Variants in TEX11 observed in about 807,000 individuals in gnomAD.
TEX11 encodes the protein testis-expressed protein 11.
A neutral mutation model predicts 84.4 loss-of-function variants in TEX11; 7 were observed. The ratio of observed to expected loss-of-function variants is 0.08; its 90% confidence interval spans 0.05 to 0.16. The LOEUF is 0.16. Among genes scored for constraint, TEX11 ranks in the 10% least tolerant of loss-of-function variants. The pLI is 1.00. For synonymous variants in TEX11, 264 were observed against 222.8 expected (o/e 1.18, Z -1.64); for missense variants, 551 against 660.5 (o/e 0.83, Z 1.82).
At chrX:70,810,810 C>T (rs1569447058) in intron 8 of TEX11, among the ~76,000 whole-genome samples, 2 of 110,094 alleles carry the variant, frequency 1.8e-5, no homozygotes, top group Non-Finnish European at 3.8e-5. Flanking sequence ...AAGTAAACCC[C>T]ATACTTTAAA....
At chrX:70,898,243 A>G (rs1383490159) in intron 2 of TEX11, among the ~76,000 whole-genome samples, 1 of 111,952 alleles carries the variant, frequency 8.9e-6, no homozygotes, top group Non-Finnish European at 1.9e-5. Flanking sequence ...AAAAATTATA[A>G]TATAATGTAA....
intron 28 of TEX11, among the ~76,000 whole-genome samples, chrX:70,539,019 A>AATATATATATATATATAT (rs971242983): frequency 2.1e-5 from 1 of 47,840 alleles, no homozygotes; most frequent in African/African-American, 7.2e-5. Context: ...GACACTTGGA[A>AATATATATATATATATAT]ATATATATAT....
intron 24 of TEX11, among the ~76,000 whole-genome samples, chrX:70,592,719 G>T (rs1278894836): frequency 1.8e-5 from 2 of 111,104 alleles, no homozygotes; most frequent in Non-Finnish European, 3.8e-5. Flanking sequence ...TGACAGAAGT[G>T]GGCCACTGTC....
chrX:70,845,997 AAATT>A (rs2091477269), intron 7 of TEX11: 1 of 111,615 alleles, frequency 9.0e-6, no homozygotes, highest in Non-Finnish European at 1.9e-5. Context: ...AGATTTAATA[AAATT>A]AATCATCTTT....
intron 25 of TEX11, among the ~76,000 whole-genome samples, chrX:70,591,321 C>G (rs770401053): frequency 9.0e-6 from 1 of 110,632 alleles, no homozygotes; most frequent in Non-Finnish European, 1.9e-5. Flanking sequence ...ATCATCTGGG[C>G]TGGGAGTGGT....
At chrX:70,682,626 A>G in intron 14 of TEX11, 48 bp downstream of exon 14, 1 of 1,161,859 alleles carries the variant, frequency 8.6e-7, no homozygotes, top group Non-Finnish European at 1.2e-6. Flanking sequence ...TCTAAGAATT[A>G]TACACAAATT....
At chrX:70,852,514 C>T (rs184778183) in intron 7 of TEX11, among the ~76,000 whole-genome samples, 7 of 111,941 alleles carry the variant, frequency 6.3e-5, no homozygotes, top group African/African-American at 6.5e-5. Context: ...TCCAGAATTG[C>T]GTAATAACAG....
intron 9 of TEX11, among the ~76,000 whole-genome samples, chrX:70,782,645 C>CAAAAAAAAAAAAAAAAAAAA (rs780011355): frequency 1.4e-4 from 4 of 28,904 alleles, no homozygotes; most frequent in African/African-American, 6.0e-4. Context: ...AAATGGAAAG[C>CAAAAAAAAAAAAAAAAAAAA]AAAAAAAAAA....
intron 8 of TEX11, among the ~76,000 whole-genome samples, chrX:70,812,655 G>A (rs186966308): frequency 6.5e-4 from 72 of 111,127 alleles, no homozygotes; most frequent in African/African-American, 2.2e-3. Flanking sequence ...AATGAATCCA[G>A]GAGCTGGTTT....
intron 13 of TEX11, among the ~76,000 whole-genome samples, chrX:70,696,932 T>C (rs895440716): frequency 8.9e-6 from 1 of 111,787 alleles, no homozygotes; most frequent in Non-Finnish European, 1.9e-5. Context: ...TGGGGGAGAA[T>C]ACATTTCTAG....
Position 70,534,665 on chromosome X carries a change from C to T in TEX11, c.2521-4666G>A, listed in dbSNP as rs143934041. Among the ~76,000 whole-genome samples, 416 of 111,529 alleles carry T rather than the reference C, an allele frequency of 3.7e-3. 5 individuals carry two copies. The highest frequency in any genetic ancestry group is 0.023 in the Admixed American group (244 of 10,455). On this transcript the variant is annotated intron_variant, in intron 28 of 29. Coordinates refer to ENST00000374333, the MANE Select transcript of TEX11 (RefSeq NM_031276.3). Reference sequence around the variant, plus strand: ...AACATCTTAATACATATGGCAGCCACGTAGATCTCTAACTGAATCGTAGGT... The same window carrying T: ...AACATCTTAATACATATGGCAGCCATGTAGATCTCTAACTGAATCGTAGGT...
chrX:70,844,704 G>C (rs1202994227), intron 7 of TEX11, among the ~76,000 whole-genome samples: 1 of 111,614 alleles, frequency 9.0e-6, no homozygotes, highest in African/African-American at 3.3e-5. Context: ...TGGATAACTT[G>C]AGGCCAGGAG....
intron 19 of TEX11, 62 bp downstream of exon 19, chrX:70,624,777 T>C (rs1307164156): frequency 5.2e-6 from 5 of 961,688 alleles, no homozygotes; most frequent in Admixed American, 2.8e-5. Context: ...TGGCAGTTTA[T>C]TGACTAAGAG....
intron 20 of TEX11, among the ~76,000 whole-genome samples, chrX:70,618,190 C>T (rs143110708): frequency 0.046 from 5,127 of 111,468 alleles, 136 homozygotes; most frequent in Non-Finnish European, 0.076. Flanking sequence ...TGTAGTCTTA[C>T]AGAAGGGAAA....
At chrX:70,641,439 C>G (rs12393890) in intron 17 of TEX11, among the ~76,000 whole-genome samples, 21,494 of 110,295 alleles carry the variant, frequency 0.19, 1,666 homozygotes, top group African/African-American at 0.21. Flanking sequence ...CTACAGAACT[C>G]TCCACCCCAA....
intron 25 of TEX11, among the ~76,000 whole-genome samples, chrX:70,565,618 A>T (rs1353415835): frequency 1.8e-5 from 2 of 110,911 alleles, no homozygotes; most frequent in East Asian, 5.6e-4. Flanking sequence ...AGCTTTCTAC[A>T]TATGGCTAGC....
At chrX:70,755,997 G>A (rs996715912) in intron 9 of TEX11, among the ~76,000 whole-genome samples, 2 of 112,477 alleles carry the variant, frequency 1.8e-5, no homozygotes, top group African/African-American at 3.2e-5. Flanking sequence ...CACTGCTAGC[G>A]CAGCATCTAA....
At chrX:70,829,476 C>T (rs1251921443) in intron 8 of TEX11, among the ~76,000 whole-genome samples, 2 of 49,719 alleles carry the variant, frequency 4.0e-5, no homozygotes, top group Non-Finnish European at 7.2e-5. Context: ...AGCAACATTC[C>T]GTCTCAAAAA....
rs371197483 is a variant in TEX11 at position 70,810,343 on chromosome X, C to T, written c.607-3553G>A. Reference sequence around the variant, plus strand: ...ATTCTATCATAAAGACACATACACACGTATGTTTATTTCAACACTGTTCAC... The same window carrying T: ...ATTCTATCATAAAGACACATACACATGTATGTTTATTTCAACACTGTTCAC... On this transcript the variant is annotated intron_variant, in intron 8 of 29. Coordinates refer to ENST00000374333, the MANE Select transcript of TEX11 (RefSeq NM_031276.3). Among the ~76,000 whole-genome samples, 27 of 112,173 alleles carry T rather than the reference C, an allele frequency of 2.4e-4. 1 individual carries two copies. Among genetic ancestry groups the T allele is most frequent in the Admixed American group, 1.6e-3 (17 of 10,573 alleles).
Sources: allele counts gnomAD v4.1 joint callset (sites outside exome capture counted in the v4.1 genomes callset), GRCh38; gene constraint gnomAD v4.1.1; transcripts MANE v1.5; gene names NCBI Gene and HGNC (gene_info 2026-07-23, HGNC 2026-07-21).